Variants in PEX14 observed in about 807,000 individuals in gnomAD.
The protein encoded by PEX14 is peroxisomal membrane protein PEX14.
Under a neutral mutation model 49.5 loss-of-function variants are expected in PEX14, and 15 were observed. The ratio of observed to expected loss-of-function variants is 0.30; its 90% CI spans 0.20 to 0.47. PEX14 has a LOEUF of 0.47. Among genes scored for constraint, PEX14 ranks in the 20% least tolerant of loss-of-function variants. The pLI, the probability that PEX14 is intolerant of heterozygous loss-of-function variation, is 1.00. For missense variants in PEX14, 398 were observed against 494.8 expected (o/e 0.80, Z 1.86); for synonymous variants, 210 against 212.7 (o/e 0.99, Z 0.11).
At chr1:10,621,480 G>A (rs1405701928) in intron 5 of PEX14, among the ~76,000 whole-genome samples, 1 of 151,882 alleles carries the variant, frequency 6.6e-6, no homozygotes, top group Non-Finnish European at 1.5e-5. Flanking sequence ...CCGAGGAGCT[G>A]GGATTACAGG....
At chr1:10,617,850 C>T (rs1641471734) in intron 4 of PEX14, among the ~76,000 whole-genome samples, 1 of 152,194 alleles carries the variant, frequency 6.6e-6, no homozygotes, top group Admixed American at 6.5e-5. Flanking sequence ...GTGCCCCCAC[C>T]CAGCGTACCA....
In PEX14 at chr1:10,512,050, C is replaced by T. The variant is rs893455904; in HGVS notation, c.84+16729C>T. ...TCTTGGCTCACTGCACGCTCCGCCT[C>T]CCGGGTTTACGCCATTCTCCTGCCT... On this transcript the variant is annotated intron_variant, in intron 2 of 8. Coordinates refer to ENST00000356607, the MANE Select transcript of PEX14 (RefSeq NM_004565.3). The surrounding 1 kb of genome is among the most constrained non-coding windows in gnomAD (Gnocchi z 4.6). Among the ~76,000 whole-genome samples, 2 of 152,168 alleles carry T rather than the reference C, an allele frequency of 1.3e-5. No individual in the cohort carries two copies. The highest frequency in any genetic ancestry group is 2.4e-5 in the African/African-American group (1 of 41,434).
chr1:10,607,998 C>T (rs767583382), intron 4 of PEX14, among the ~76,000 whole-genome samples: 10 of 152,188 alleles, frequency 6.6e-5, no homozygotes, highest in Non-Finnish European at 1.3e-4. Context: ...GACACTGTCT[C>T]ACTCTGTCAC....
chr1:10,602,500 C>T (rs1641015599), intron 4 of PEX14, among the ~76,000 whole-genome samples: 1 of 151,482 alleles, frequency 6.6e-6, no homozygotes, highest in Non-Finnish European at 1.5e-5. Flanking sequence ...TGATAAATGA[C>T]ATTTGAATTA....
intron 4 of PEX14, among the ~76,000 whole-genome samples, chr1:10,603,510 T>C (rs1208754883): frequency 2.0e-5 from 3 of 152,048 alleles, no homozygotes; most frequent in Non-Finnish European, 2.9e-5. Flanking sequence ...CATAAACCAG[T>C]GCTCTCGGGG....
At chr1:10,487,263 T>C (rs1349362344) in intron 1 of PEX14, among the ~76,000 whole-genome samples, 1 of 151,630 alleles carries the variant, frequency 6.6e-6, no homozygotes, top group African/African-American at 2.4e-5. Flanking sequence ...TTTTTTTGTA[T>C]GTGGATGTGT....
chr1:10,583,851 A>T (rs1640403060), intron 3 of PEX14, among the ~76,000 whole-genome samples: 1 of 152,112 alleles, frequency 6.6e-6, no homozygotes, highest in South Asian at 2.1e-4. Flanking sequence ...CTTGAAGAGG[A>T]AGTTGTGTCT....
intron 3 of PEX14, among the ~76,000 whole-genome samples, chr1:10,553,404 T>C (rs945104850): frequency 4.6e-5 from 7 of 152,104 alleles, no homozygotes; most frequent in Non-Finnish European, 5.9e-5. Flanking sequence ...ACGTGGTTAG[T>C]GGTTGGCCAG....
At chr1:10,601,194 G>A (rs1001206446) in intron 4 of PEX14, among the ~76,000 whole-genome samples, 2 of 149,952 alleles carry the variant, frequency 1.3e-5, no homozygotes, top group African/African-American at 5.0e-5. Flanking sequence ...CCGAGGAGGT[G>A]GAGGTTGCAA....
Position 10,622,999 on chromosome 1 carries a change from C to A in PEX14, c.385-20C>A, listed in dbSNP as rs754390076. ...ACCCCGGGTCCGTATGCATTCCTCA[C>A]CCTGTCCCGCTTCTTGCAGAAATAC... On this transcript the variant is annotated intron_variant, in intron 5 of 8. Transcript: ENST00000356607. 6 of 1,561,278 alleles carry A rather than the reference C, an allele frequency of 3.8e-6. No individual in the cohort carries two copies. Among genetic ancestry groups the A allele is most frequent in the Non-Finnish European group, 5.3e-6 (6 of 1,134,742 alleles).
In PEX14 at chr1:10,586,628, CTTTTTTTTTTTTT is replaced by C. The variant is rs35743829; in HGVS notation, c.170-12593_170-12581del. On this transcript the variant is annotated intron_variant, in intron 3 of 8. Coordinates refer to ENST00000356607, the MANE Select transcript of PEX14 (RefSeq NM_004565.3). ...ATGTTGAACAAAAGGAGCCGTTTAC[CTTTTTTTTTTTTT>C]TTTTTTTTTTTTTTTTGAGACGGAG... Among the ~76,000 whole-genome samples the C allele has an allele frequency of 8.5e-3, 793 of 93,054 alleles. 10 individuals carry two copies. Among genetic ancestry groups the C allele is most frequent in the African/African-American group, 0.027 (759 of 28,256 alleles). 61.0% of individuals were successfully genotyped at this position (93,054 alleles called of 152,430 possible).
At chr1:10,577,274 G>A (rs1287984038) in intron 3 of PEX14, among the ~76,000 whole-genome samples, 1 of 150,532 alleles carries the variant, frequency 6.6e-6, no homozygotes, top group African/African-American at 2.4e-5. Context: ...GCACATGCAT[G>A]TAATCCCAGC....
At chr1:10,479,194 T>C (rs1186890830) in intron 1 of PEX14, among the ~76,000 whole-genome samples, 2 of 151,878 alleles carry the variant, frequency 1.3e-5, no homozygotes, top group Non-Finnish European at 2.9e-5. Context: ...CTTTGCAATA[T>C]AGGGAGACCT....
chr1:10,575,635 A>G (rs1027861979), intron 3 of PEX14, among the ~76,000 whole-genome samples: 4 of 152,234 alleles, frequency 2.6e-5, no homozygotes, highest in African/African-American at 7.2e-5. Flanking sequence ...CTTCTGCATA[A>G]TTCCTTTCAT....
At chr1:10,543,732 G>A (rs955915398) in intron 3 of PEX14, among the ~76,000 whole-genome samples, 3 of 151,980 alleles carry the variant, frequency 2.0e-5, no homozygotes, top group African/African-American at 7.3e-5. Context: ...TTAGCCTCCC[G>A]AGTAGCTGGG....
At chr1:10,496,661 C>G (rs1309346961) in intron 2 of PEX14, among the ~76,000 whole-genome samples, 1 of 152,064 alleles carries the variant, frequency 6.6e-6, no homozygotes, top group Non-Finnish European at 1.5e-5. Context: ...GAGCAGTTGG[C>G]CAGCTCACTG....
chr1:10,512,193 C>T lies in PEX14; in HGVS notation c.84+16872C>T, dbSNP rs1641896651. 6.6e-6 allele frequency among the ~76,000 whole-genome samples: 1 copy of T among 152,134 alleles called. No homozygotes were observed. The highest frequency in any genetic ancestry group is 1.5e-5 in the Non-Finnish European group (1 of 68,020). On this transcript the variant is annotated intron_variant, in intron 2 of 8. Transcript: ENST00000356607. The surrounding 1 kb of genome is among the most constrained non-coding windows in gnomAD (Gnocchi z 4.6). ...CAGGATGGTCTCGACCTCCTGACCT[C>T]GTGATCTGCCCTCCTCGGCCTCCCA...
At chr1:10,483,931 A>AAATC (rs1553181689) in intron 1 of PEX14, among the ~76,000 whole-genome samples, 2 of 150,806 alleles carry the variant, frequency 1.3e-5, no homozygotes, top group African/African-American at 4.9e-5. Flanking sequence ...CATATGAATG[A>AAATC]ATTATGTATT....
intron 3 of PEX14, among the ~76,000 whole-genome samples, chr1:10,572,933 C>A (rs78673922): frequency 2.0e-5 from 3 of 152,176 alleles, no homozygotes; most frequent in Admixed American, 6.5e-5. Context: ...CTACTGCATA[C>A]TTAGGCTATC....
Sources: gnomAD v4.1 joint callset for allele counts (sites outside exome capture counted in the v4.1 genomes callset) on GRCh38, gnomAD v4.1.1 for gene constraint, Gnocchi (gnomAD v3.1) non-coding constraint, MANE v1.5 for transcripts, NCBI Gene and HGNC (gene_info 2026-07-23, HGNC 2026-07-21) for gene names.